GNE: variants seen among roughly 807,000 people sequenced by gnomAD.
GNE encodes the protein glucosamine (UDP-N-acetyl)-2-epimerase/N-acetylmannosamine kinase, also known as bifunctional UDP-N-acetylglucosamine 2-epimerase/N-acetylmannosamine kinase.
Under a neutral mutation model 61.8 loss-of-function variants are expected in GNE, and 41 were observed. The observed-to-expected ratio is 0.66, with a 90% confidence interval of 0.52 to 0.86. The LOEUF (loss-of-function observed/expected upper bound fraction) is 0.86, where lower values mean the gene tolerates loss of function less well. Among genes scored for constraint, GNE ranks in the 40% least tolerant of loss-of-function variants. GNE has a pLI of 0.00. For missense variants in GNE, 608 were observed against 909.1 expected, an observed-to-expected ratio of 0.67 and a Z score of 4.26; for synonymous variants, 264 against 326.4, an observed-to-expected ratio of 0.81 and a Z score of 2.06.
rs1490992875 is a variant in GNE at position 36,229,387 on chromosome 9, G to A, written c.983-279C>T. On this transcript the variant is annotated intron_variant, in intron 5 of 11. Transcript: ENST00000642385. ...TAAAATAAATAAGGTAGACCAACCT[G>A]GCATCCACTTACCATTTGCCTAGTC... is the stretch of plus-strand genomic sequence containing the variant. 2.6e-5 allele frequency among the ~76,000 whole-genome samples: 4 copies of A among 152,120 alleles called. No individual in the cohort carries two copies. The East Asian group carries it at 7.7e-4, about 29-fold the overall frequency.
At chr9:36,260,630 G>T (rs1468523945), upstream of GNE, among the ~76,000 whole-genome samples, 1 of 152,060 alleles carries the variant, frequency 6.6e-6, no homozygotes, top group South Asian at 2.1e-4. Context: ...AGCACTTTGG[G>T]AGGCCGAGGC....
In GNE at chr9:36,219,935, A is replaced by G. The variant is rs1480253812; in HGVS notation, c.1719T>C (p.Ser573=). ...CAAELGHLVV[S]LDGPDCSCGS... The stretch of plus-strand genomic sequence containing the variant: ...CACAGGAACAATCAGGCCCATCCAG[A>G]GACACAACAAGGTGGCCCAGTTCTG... Residue 573 remains serine (S), a synonymous_variant, in exon 10 of 12, where the codon TCT becomes TCC. Coordinates refer to ENST00000642385, the MANE Select transcript of GNE (RefSeq NM_005476.7). 6.2e-7 allele frequency: 1 copy of G among 1,614,164 alleles called. No homozygotes were observed. The highest frequency in any genetic ancestry group is 1.1e-5 in the South Asian group (1 of 91,086).
rs148523065 is a variant in GNE, at chr9:36,246,346, G to A, written c.301C>T (p.Arg101Cys). 7.4e-6 allele frequency: 12 copies of A among 1,613,952 alleles called. No individual in the cohort carries two copies. The highest frequency in any genetic ancestry group is 1.1e-5 in the South Asian group (1 of 91,090). The change falls in exon 3 of 12, where the codon CGC becomes TGC. Residue 101 changes from arginine (R) to cysteine (C), a missense_variant. Arg to Cys is a radical substitution (Grantham distance 180). Coordinates refer to ENST00000642385, the MANE Select transcript of GNE (RefSeq NM_005476.7). ...ALVKLPDVLN[R>C]LKPDIMIVHG... is the part of the protein sequence containing the mutation. ...ACAATCATGATATCAGGCTTCAGGC[G>A]ATTAAGGACATCTGGCAGCTTCACT...
intron 1 of GNE, among the ~76,000 whole-genome samples, chr9:36,275,909 A>G (rs984942618): frequency 1.3e-5 from 2 of 152,206 alleles, no homozygotes; most frequent in Non-Finnish European, 2.9e-5. Flanking sequence ...CAGGGGCTCA[A>G]CGCCTGTAAT....
intron 1 of GNE, among the ~76,000 whole-genome samples, chr9:36,275,702 C>G (rs10121503): frequency 0.041 from 6,195 of 152,170 alleles, 411 homozygotes; most frequent in African/African-American, 0.14. Flanking sequence ...AAAAAACTTA[C>G]AAGTTCCAGC....
intron 6 of GNE, among the ~76,000 whole-genome samples, chr9:36,227,671 T>TG (rs1828944105): frequency 6.6e-6 from 1 of 152,024 alleles, no homozygotes; most frequent in African/African-American, 2.4e-5. Context: ...CCCAAGAGTT[T>TG]GAGACCAGCC....
chr9:36,236,767 A>C, intron 4 of GNE, 65 bp downstream of exon 4: 3 of 1,377,714 alleles, frequency 2.2e-6, no homozygotes, highest in Non-Finnish European at 3.1e-6. Flanking sequence ...GGCAGTTAAA[A>C]GAAGTAATAG....
At chr9:36,266,393 G>A (rs996585481) in intron 1 of GNE, among the ~76,000 whole-genome samples, 2 of 152,234 alleles carry the variant, frequency 1.3e-5, no homozygotes, top group Non-Finnish European at 1.5e-5. Flanking sequence ...AAAGAAAATT[G>A]CTCCTGTTGC....
chr9:36,260,868 CAAAAAAAAA>C (rs745821430), upstream of GNE, among the ~76,000 whole-genome samples: 29 of 96,028 alleles, frequency 3.0e-4, no homozygotes, highest in South Asian at 1.5e-3. Context: ...GACTCTATCT[CAAAAAAAAA>C]AAAAAAAAAA....
chr9:36,257,801 TCAA>T (rs1354781456), intron 1 of GNE, among the ~76,000 whole-genome samples: 15 of 5,362 alleles, frequency 2.8e-3, no homozygotes, highest in Admixed American at 0.011. Context: ...AGACTCAGTC[TCAA>T]AAAAAAAAAA....
intron 2 of GNE, among the ~76,000 whole-genome samples, chr9:36,248,304 T>G (rs992347606): frequency 2.0e-5 from 3 of 151,126 alleles, no homozygotes; most frequent in Non-Finnish European, 4.4e-5. Flanking sequence ...TTCTCTCAGA[T>G]TATTCAACCT....
chr9:36,271,404 C>T (rs1366674627), intron 1 of GNE, among the ~76,000 whole-genome samples: 2 of 152,216 alleles, frequency 1.3e-5, no homozygotes, highest in Non-Finnish European at 2.9e-5. Flanking sequence ...GACCGAGTCT[C>T]GCTCTGTTGC....
In GNE at chr9:36,263,913, C is replaced by G. The variant is rs567051668; in HGVS notation, c.51+12981G>C. 7.9e-5 allele frequency among the ~76,000 whole-genome samples: 12 copies of G among 152,224 alleles called. No homozygotes were observed. The South Asian group carries it at 2.3e-3, about 29-fold the overall frequency. On this transcript the variant is annotated intron_variant, in intron 1 of 11. Coordinates refer to the GNE transcript ENST00000396594. ...TTAGCTAATGTGCATGTTAAAGTAG[C>G]TCTCTGAAACATCTGGACTGGGGAA...
At chr9:36,223,070 C>T in intron 8 of GNE, 72 bp from the exon 9 acceptor site, 1 of 1,373,814 alleles carries the variant, frequency 7.3e-7, no homozygotes, top group East Asian at 2.3e-5. Context: ...ACTTTCTTGT[C>T]TTAAGAACAC....
chr9:36,230,494 C>A (rs1260283665), intron 5 of GNE, among the ~76,000 whole-genome samples: 1 of 151,682 alleles, frequency 6.6e-6, no homozygotes, highest in Non-Finnish European at 1.5e-5. Context: ...GAGTCTTGCT[C>A]TGTCACCCTG....
chr9:36,251,325 C>T (rs550553457), intron 1 of GNE, among the ~76,000 whole-genome samples: 2 of 152,286 alleles, frequency 1.3e-5, no homozygotes, highest in East Asian at 3.9e-4. Context: ...CCACTGCTCG[C>T]TCATCCCTCC....
At chr9:36,258,172 G>C in intron 1 of GNE, 149 bp downstream of exon 1, 1 of 265,646 alleles carries the variant, frequency 3.8e-6, no homozygotes, top group Non-Finnish European at 5.8e-6. Flanking sequence ...CAGGACATTG[G>C]GCGAGAGCCG....
intron 3 of GNE, among the ~76,000 whole-genome samples, chr9:36,238,956 G>A (rs1829522108): frequency 6.6e-6 from 1 of 152,078 alleles, no homozygotes; most frequent in Admixed American, 6.6e-5. Context: ...TGTGGCCAGC[G>A]AATTATCCCA....
intron 6 of GNE, 47 bp downstream of exon 6, chr9:36,228,974 G>C (rs768357813): frequency 9.7e-7 from 1 of 1,028,296 alleles, no homozygotes; most frequent in African/African-American, 1.6e-5. Flanking sequence ...TGGTACTGAA[G>C]GTAGCTCCCC....
Sources: gnomAD v4.1 joint callset for allele counts (sites outside exome capture counted in the v4.1 genomes callset) on GRCh38, gnomAD v4.1.1 for gene constraint, MANE v1.5 for transcripts, NCBI Gene and HGNC (gene_info 2026-07-23, HGNC 2026-07-21) for gene names.